Variants in NALF1 observed in about 807,000 individuals in gnomAD.
NALF1 encodes the protein family with sequence similarity 155 member A.
Under a neutral mutation model 48.4 loss-of-function variants are expected in NALF1, and 3 were observed. The observed-to-expected ratio is 0.06, with a 90% confidence interval of 0.03 to 0.16. NALF1 has a LOEUF of 0.16. NALF1 is among the 10% of genes least tolerant of loss of function. The probability of loss-of-function intolerance (pLI) is 1.00; values close to 1 mark genes in which losing one functional copy is unlikely to be tolerated. For synonymous variants in NALF1, 262 were observed against 245.7 expected, an observed-to-expected ratio of 1.07 and a Z score of -0.62; for missense variants, 526 against 571.5, an observed-to-expected ratio of 0.92 and a Z score of 0.81.
intron 1 of NALF1, among the ~76,000 whole-genome samples, chr13:107,471,078 TCCAAAC>T (rs1267501666): frequency 2.6e-5 from 4 of 152,212 alleles, no homozygotes; most frequent in African/African-American, 9.6e-5. Flanking sequence ...GTCACTCTTA[TCCAAAC>T]CCATTGATAA....
chr13:107,563,802 T>G (rs1487758034), intron 1 of NALF1, among the ~76,000 whole-genome samples: 1 of 152,240 alleles, frequency 6.6e-6, no homozygotes, highest in Non-Finnish European at 1.5e-5. Context: ...CTGGAGGGTT[T>G]GAAATAACAT....
intron 1 of NALF1, among the ~76,000 whole-genome samples, chr13:107,576,200 T>G (rs1878142936): frequency 6.6e-6 from 1 of 152,130 alleles, no homozygotes; most frequent in Non-Finnish European, 1.5e-5. Context: ...TGAAAGAAAA[T>G]TTCTCTGACA....
At chr13:107,770,510 A>C (rs9301257) in intron 1 of NALF1, among the ~76,000 whole-genome samples, 1 of 152,128 alleles carries the variant, frequency 6.6e-6, no homozygotes, top group East Asian at 1.9e-4. Flanking sequence ...TTTAAGGAAA[A>C]ATACAGTTCA....
chr13:107,445,205 G>A (rs1884629468), intron 1 of NALF1, among the ~76,000 whole-genome samples: 1 of 152,160 alleles, frequency 6.6e-6, no homozygotes, highest in African/African-American at 2.4e-5. Context: ...GGTACAGAAT[G>A]ACTCTGTAGT....
chr13:107,423,935 G>A (rs1884235397), intron 1 of NALF1, among the ~76,000 whole-genome samples: 1 of 151,996 alleles, frequency 6.6e-6, no homozygotes, highest in African/African-American at 2.4e-5. Flanking sequence ...TTGCTGCAAA[G>A]TAAGATTGTA....
intron 1 of NALF1, among the ~76,000 whole-genome samples, chr13:107,488,399 T>A (rs1344557573): frequency 6.6e-6 from 1 of 152,076 alleles, no homozygotes; most frequent in East Asian, 1.9e-4. Context: ...AACTTTTTGA[T>A]GTGGGCATTA....
intron 1 of NALF1, among the ~76,000 whole-genome samples, chr13:107,565,240 C>T (rs1415961068): frequency 6.6e-6 from 1 of 151,176 alleles, no homozygotes; most frequent in Admixed American, 6.6e-5. Flanking sequence ...AGGGGCATGG[C>T]CAGGAGCAGT....
In NALF1 at chr13:107,866,338, T is replaced by TCTGCTGCTGCTGCTG. The variant is rs756515049; in HGVS notation, c.244_258dup (p.Gln82_Gln86dup). On this transcript the variant is annotated inframe_insertion, in exon 1 of 3. Transcript: ENST00000375915. This position sits in a 1 kb window ranked among gnomAD's most constrained non-coding sequence, Gnocchi z 4.4. Reference sequence around the variant, plus strand: ...TGCTGCTGCTGCTGCTGCCGCTGCCTCTGCTGCTGCTGCTGCTGCTGCTGC... The same window carrying TCTGCTGCTGCTGCTG: ...TGCTGCTGCTGCTGCTGCCGCTGCCTCTGCTGCTGCTGCTGCTGCTGCTGCTGCTGCTGCTGCTGC... 3.1e-6 allele frequency: 5 copies of TCTGCTGCTGCTGCTG among 1,598,644 alleles called. No homozygotes were observed. The highest frequency in any genetic ancestry group is 3.4e-6 in the Non-Finnish European group (4 of 1,172,240).
intron 1 of NALF1, among the ~76,000 whole-genome samples, chr13:107,448,636 A>G (rs1884689729): frequency 6.6e-6 from 1 of 152,206 alleles, no homozygotes; most frequent in South Asian, 2.1e-4. Context: ...CATTCACTCA[A>G]GAAACATACA....
Position 107,866,770 on chromosome 13 carries a change from C to T in NALF1, c.-174G>A. 3.3e-6 allele frequency: 2 copies of T among 600,524 alleles called. No homozygotes were observed. The highest frequency in any genetic ancestry group is 2.0e-5 in the South Asian group (1 of 48,820). 37.2% of individuals were successfully genotyped at this position (600,524 alleles called of 1,614,324 possible). A position where few individuals can be genotyped will look rare whatever the true frequency, so the allele number is the denominator to read the frequency against. Reference sequence around the variant, plus strand: ...CTCCCTCTCTCCTCTCTCTCTCTCTCCCTCTCCCTCTCTTTTATCTCTCTC... The same window carrying T: ...CTCCCTCTCTCCTCTCTCTCTCTCTTCCTCTCCCTCTCTTTTATCTCTCTC... On this transcript the variant is annotated 5_prime_UTR_variant, in exon 1 of 3. Coordinates refer to ENST00000375915, the MANE Select transcript of NALF1 (RefSeq NM_001080396.3). This position sits in a 1 kb window ranked among gnomAD's most constrained non-coding sequence, Gnocchi z 4.4.
At chr13:107,501,640 A>C (rs2139078689) in intron 1 of NALF1, among the ~76,000 whole-genome samples, 1 of 152,308 alleles carries the variant, frequency 6.6e-6, no homozygotes, top group South Asian at 2.1e-4. Flanking sequence ...TGATGGGATC[A>C]GAATTTTACT....
chr13:107,219,176 T>C (rs1879940165), intron 1 of NALF1, among the ~76,000 whole-genome samples: 2 of 152,172 alleles, frequency 1.3e-5, no homozygotes, highest in South Asian at 4.1e-4. Context: ...TATAACTCAA[T>C]AGCCTTATCT....
At chr13:107,673,610 A>G (rs1881041402) in intron 1 of NALF1, among the ~76,000 whole-genome samples, 2 of 152,192 alleles carry the variant, frequency 1.3e-5, no homozygotes, top group African/African-American at 2.4e-5. Context: ...AATTGGTTCT[A>G]TGTTCTACAG....
At chr13:107,194,546 A>T (rs1249424427) in intron 2 of NALF1, among the ~76,000 whole-genome samples, 1 of 152,176 alleles carries the variant, frequency 6.6e-6, no homozygotes, top group African/African-American at 2.4e-5. Context: ...CTGGAGCCCC[A>T]TCTCTCACCT....
At chr13:107,214,648 C>T (rs747783005) in intron 1 of NALF1, among the ~76,000 whole-genome samples, 9 of 152,122 alleles carry the variant, frequency 5.9e-5, no homozygotes, top group Non-Finnish European at 1.2e-4. Context: ...ACCGCCCCCA[C>T]GCTCCTCCAC....
intron 1 of NALF1, among the ~76,000 whole-genome samples, chr13:107,289,570 A>G (rs1368417532): frequency 2.0e-5 from 3 of 152,298 alleles, no homozygotes; most frequent in East Asian, 3.9e-4. Flanking sequence ...TACAGTACAT[A>G]TATTGGGAAG....
chr13:107,487,135 C>T (rs1359072131), intron 1 of NALF1, among the ~76,000 whole-genome samples: 1 of 152,076 alleles, frequency 6.6e-6, no homozygotes, highest in African/African-American at 2.4e-5. Flanking sequence ...CATCATCTAC[C>T]ACCTACTCCC....
chr13:107,338,008 A>G (rs1244267330), intron 1 of NALF1, among the ~76,000 whole-genome samples: 1 of 152,214 alleles, frequency 6.6e-6, no homozygotes, highest in African/African-American at 2.4e-5. Flanking sequence ...GTAACTAAAA[A>G]GCTGTTACAT....
At chr13:107,441,968 G>A (rs1884567063) in intron 1 of NALF1, among the ~76,000 whole-genome samples, 1 of 151,114 alleles carries the variant, frequency 6.6e-6, no homozygotes, top group Admixed American at 6.6e-5. Flanking sequence ...AAATAGCAAT[G>A]TCAAATACAG....
Sources: allele counts gnomAD v4.1 joint callset (sites outside exome capture counted in the v4.1 genomes callset), GRCh38; gene constraint gnomAD v4.1.1; non-coding constraint Gnocchi (gnomAD v3.1); transcripts MANE v1.5; gene names NCBI Gene and HGNC (gene_info 2026-07-23, HGNC 2026-07-21).